Variants in PTCD2 observed in about 807,000 individuals in gnomAD.
PTCD2 encodes the protein pentatricopeptide repeat domain 2, also known as pentatricopeptide repeat-containing protein 2, mitochondrial.
Under a neutral mutation model 42.6 loss-of-function variants are expected in PTCD2, and 31 were observed. The observed-to-expected ratio is 0.73, with a 90% CI of 0.55 to 0.98. PTCD2 has a LOEUF of 0.98. PTCD2 is among the 50% of genes least tolerant of loss of function. The probability of loss-of-function intolerance (pLI) is 0.00; values close to 1 mark genes in which losing one functional copy is unlikely to be tolerated. For synonymous variants in PTCD2, 183 were observed against 170.9 expected (o/e 1.07, Z -0.55); for missense variants, 476 against 454.8 (o/e 1.05, Z -0.42).
intron 8 of PTCD2, among the ~76,000 whole-genome samples, chr5:72,351,558 C>T (rs776690819): frequency 3.3e-5 from 5 of 152,162 alleles, no homozygotes; most frequent in African/African-American, 7.2e-5. Context: ...TTAATTGACT[C>T]ACAGTATCAC....
chr5:72,338,589 TAACATTAATCG>T, intron 6 of PTCD2, 22 bp from the exon 7 acceptor site: 1 of 1,148,252 alleles, frequency 8.7e-7, no homozygotes, highest in Non-Finnish European at 1.3e-6. Context: ...TAAAGGTTTA[TAACATTAATCG>T]AACAATCCTG....
chr5:72,353,699 T>C (rs932909137), intron 9 of PTCD2, among the ~76,000 whole-genome samples: 5 of 152,136 alleles, frequency 3.3e-5, no homozygotes, highest in African/African-American at 1.2e-4. Context: ...ACAGACCAAA[T>C]TGCAGATACA....
Position 72,320,468 on chromosome 5 carries a change from T to C in PTCD2, c.86T>C (p.Val29Ala). Residue 29 changes from valine (V) to alanine (A), a missense_variant, in exon 1 of 10, where the codon GTG becomes GCG. Val to Ala is a moderately conservative substitution (Grantham distance 64). Transcript: ENST00000380639. ...QALQILVYPG[V>A]GGSGSVSCRC... ...CTGCAGATTTTGGTGTATCCTGGGG[T>C]GGGAGGCTCCGGCTCTGTCAGCTGC... The C allele has an allele frequency of 1.9e-6, 3 of 1,613,786 alleles. No individual in the cohort carries two copies. The highest frequency in any genetic ancestry group is 4.5e-5 in the East Asian group (2 of 44,806).
chr5:72,358,107 A>G, intron 9 of PTCD2, 96 bp from the exon 10 acceptor site: 3 of 1,155,102 alleles, frequency 2.6e-6, no homozygotes, highest in South Asian at 1.4e-5. Flanking sequence ...CCTACCATAC[A>G]TTTTTGTTCA....
intron 1 of PTCD2, chr5:72,321,426 A>G (rs1295534502): frequency 6.6e-6 from 1 of 152,238 alleles, no homozygotes; most frequent in Non-Finnish European, 1.5e-5. Context: ...GTGGGATTTG[A>G]ACACACCCAA....
At position 72,322,275 on chromosome 5, in the gene PTCD2, CTA is replaced by C. The variant is rs946935298; in HGVS notation, c.220+13_220+14del. 5 of 1,477,510 alleles carry C rather than the reference CTA, an allele frequency of 3.4e-6. No homozygotes were observed. In the African/African-American group the frequency reaches 7.0e-5, roughly 21 times the overall value. 91.5% of individuals were successfully genotyped at this position (1,477,510 alleles called of 1,614,324 possible). On this transcript the variant is annotated intron_variant, in intron 2 of 9. Coordinates refer to ENST00000380639, the MANE Select transcript of PTCD2 (RefSeq NM_024754.5). ...TTTCTGGCACTAAAGGTAATAGAAT[CTA>C]TTTTGTTAATTCTGTCATTTATCTG...
At chr5:72,332,458 ACTTTAT>A (rs1751491233) in intron 4 of PTCD2, among the ~76,000 whole-genome samples, 1 of 152,130 alleles carries the variant, frequency 6.6e-6, no homozygotes, top group Non-Finnish European at 1.5e-5. Context: ...ACACTAAATC[ACTTTAT>A]CTTTAGGGGG....
intron 7 of PTCD2, among the ~76,000 whole-genome samples, chr5:72,341,098 G>T (rs570354904): frequency 7.9e-5 from 12 of 152,008 alleles, no homozygotes; most frequent in African/African-American, 2.4e-4. Flanking sequence ...CTGAGTAGCT[G>T]GAATTACAGG....
intron 1 of PTCD2, 33 bp downstream of exon 1, chr5:72,320,542 A>G (rs1561371305): frequency 6.2e-7 from 1 of 1,611,616 alleles, no homozygotes; most frequent in Non-Finnish European, 8.5e-7. Flanking sequence ...GAAGGAGGGG[A>G]GGGATGGGAG....
chr5:72,354,160 C>T (rs1752750340), intron 9 of PTCD2, among the ~76,000 whole-genome samples: 1 of 151,996 alleles, frequency 6.6e-6, no homozygotes, highest in Non-Finnish European at 1.5e-5. Flanking sequence ...AATCCCAGCA[C>T]TTTGGGAGGC....
At chr5:72,340,053 A>C (rs531807117) in intron 7 of PTCD2, among the ~76,000 whole-genome samples, 1 of 152,132 alleles carries the variant, frequency 6.6e-6, no homozygotes, top group East Asian at 1.9e-4. Context: ...AATATAATCC[A>C]TTTGTATTAA....
chr5:72,346,206 T>C (rs1337841037), intron 8 of PTCD2, among the ~76,000 whole-genome samples: 1 of 152,146 alleles, frequency 6.6e-6, no homozygotes, highest in African/African-American at 2.4e-5. Flanking sequence ...GGGTTTGTAA[T>C]GGAAGAAACA....
intron 8 of PTCD2, among the ~76,000 whole-genome samples, chr5:72,347,120 T>G (rs1343650448): frequency 6.6e-6 from 1 of 152,204 alleles, no homozygotes; most frequent in African/African-American, 2.4e-5. Flanking sequence ...ATTACCTTAG[T>G]TCTCCCAACT....
chr5:72,341,829 T>G (rs1215457699), intron 7 of PTCD2, among the ~76,000 whole-genome samples: 1 of 151,274 alleles, frequency 6.6e-6, no homozygotes, highest in Non-Finnish European at 1.5e-5. Context: ...GATCATGAGG[T>G]CAGGAGATCG....
At chr5:72,327,077 G>T (rs548793351) in intron 3 of PTCD2, among the ~76,000 whole-genome samples, 34 of 152,280 alleles carry the variant, frequency 2.2e-4, no homozygotes, top group African/African-American at 7.2e-4. Context: ...TCACTGGCTA[G>T]TCACTCAGGA....
chr5:72,321,433 C>G (rs969034160), intron 1 of PTCD2: 1 of 152,154 alleles, frequency 6.6e-6, no homozygotes, highest in East Asian at 1.9e-4. Flanking sequence ...TTGAACACAC[C>G]CAACAATAGA....
chr5:72,346,084 T>G (rs920551639), intron 8 of PTCD2, among the ~76,000 whole-genome samples: 1 of 152,180 alleles, frequency 6.6e-6, no homozygotes, highest in Non-Finnish European at 1.5e-5. Flanking sequence ...TAAGAATTCC[T>G]CATATTGGAC....
rs942416436 is a variant in PTCD2 at position 72,358,960 on chromosome 5, T to A, written c.*533T>A. On this transcript the variant is annotated 3_prime_UTR_variant, in exon 10 of 10. Transcript: ENST00000380639. ...TGCCTATGTGTCTTTGCATATAGATTTGAAATCTTCATTCAAGGTTTAGTA... is the reference window on the plus strand; with the variant it reads ...TGCCTATGTGTCTTTGCATATAGATATGAAATCTTCATTCAAGGTTTAGTA... The A allele has an allele frequency of 9.8e-5, 15 of 153,840 alleles. No homozygotes were observed. Among genetic ancestry groups the A allele is most frequent in the Non-Finnish European group, 1.9e-4 (13 of 69,150 alleles). 9.5% of individuals were successfully genotyped at this position (153,840 alleles called of 1,614,324 possible). A position where few individuals can be genotyped will look rare whatever the true frequency, so the allele number is the denominator to read the frequency against.
intron 8 of PTCD2, among the ~76,000 whole-genome samples, chr5:72,344,839 A>G (rs991741144): frequency 4.6e-5 from 7 of 152,154 alleles, no homozygotes; most frequent in Non-Finnish European, 7.3e-5. Context: ...GAGGGAGTGT[A>G]TGAATAGGGT....
Sources: allele counts gnomAD v4.1 joint callset (sites outside exome capture counted in the v4.1 genomes callset), GRCh38; gene constraint gnomAD v4.1.1; transcripts MANE v1.5; gene names NCBI Gene and HGNC (gene_info 2026-07-23, HGNC 2026-07-21).